Variants in IGF1R observed in about 807,000 individuals in gnomAD.
IGF1R encodes the protein insulin-like growth factor 1 receptor.
In IGF1R, 44 loss-of-function variants were observed where a neutral mutation model predicts 144.6. The ratio of observed to expected loss-of-function variants is 0.30; its 90% CI spans 0.24 to 0.39. The LOEUF (loss-of-function observed/expected upper bound fraction) is 0.39. Ranked by LOEUF, IGF1R falls within the 10% of genes least tolerant of loss-of-function variation. IGF1R has a pLI of 1.00. For synonymous variants in IGF1R, 795 were observed against 722.8 expected, an observed-to-expected ratio of 1.10 and a Z score of -1.60; for missense variants, 1,355 against 1,833.7, an observed-to-expected ratio of 0.74 and a Z score of 4.77.
chr15:98,722,071 G>C (rs1257011918), intron 2 of IGF1R, among the ~76,000 whole-genome samples: 2 of 152,176 alleles, frequency 1.3e-5, no homozygotes, highest in South Asian at 2.1e-4. Flanking sequence ...TCCTTGGCCA[G>C]AGTTTCCATC....
chr15:98,891,707 A>T lies in IGF1R; in HGVS notation c.953+70A>T. ...CCGCCACCCTAGCACACAAAGGTAG[A>T]CTCTGTCGGTTGTTTCATCCGGGTG... On this transcript the variant is annotated intron_variant, in intron 3 of 20. Coordinates refer to ENST00000650285, the MANE Select transcript of IGF1R (RefSeq NM_000875.5). This position sits in a 1 kb window ranked among gnomAD's most constrained non-coding sequence, Gnocchi z 4.7. 1 of 1,479,938 alleles carries T rather than the reference A, an allele frequency of 6.8e-7. No homozygotes were observed. The highest frequency in any genetic ancestry group is 1.2e-5 in the South Asian group (1 of 85,960). 91.7% of individuals were successfully genotyped at this position (1,479,938 alleles called of 1,614,324 possible).
chr15:98,947,719 A>T (rs1009062159), intron 19 of IGF1R, among the ~76,000 whole-genome samples: 3 of 152,154 alleles, frequency 2.0e-5, no homozygotes, highest in Non-Finnish European at 4.4e-5. Flanking sequence ...CATATGGCAG[A>T]ATTGCTCACT....
intron 20 of IGF1R, among the ~76,000 whole-genome samples, chr15:98,948,919 T>G (rs1347217710): frequency 6.6e-6 from 1 of 152,206 alleles, no homozygotes; most frequent in African/African-American, 2.4e-5. Flanking sequence ...TACCCCATAT[T>G]CCGTAATGCT....
At chr15:98,814,335 A>G (rs1596325287) in intron 2 of IGF1R, among the ~76,000 whole-genome samples, 1 of 151,950 alleles carries the variant, frequency 6.6e-6, no homozygotes, top group East Asian at 1.9e-4. Flanking sequence ...GTGCCCTTAT[A>G]TGATTTGGAT....
chr15:98,916,098 G>A lies in IGF1R; in HGVS notation c.1963G>A (p.Gly655Ser), dbSNP rs143193096. 6.1e-5 allele frequency: 99 copies of A among 1,614,022 alleles called. No individual in the cohort carries two copies. Among genetic ancestry groups the A allele is most frequent in the East Asian group, 1.1e-4 (5 of 44,894 alleles). The stretch of plus-strand genomic sequence containing the variant: ...GCGCTGGCAGCGGCAGCCTCAGGAC[G>A]GCTACCTTTACCGGCACAATTACTG... The part of the protein sequence containing the change: ...IVRWQRQPQD[G>S]YLYRHNYCSK... Residue 655 changes from glycine (G) to serine (S), a missense_variant, in exon 9 of 21, where the codon GGC becomes AGC. Gly to Ser is a moderately conservative substitution (Grantham distance 56). This residue lies in a region of IGF1R where 880 missense variants were observed against 1,202.7 expected (regional missense o/e 0.73). Transcript: ENST00000650285.
chr15:98,885,180 C>CT (rs1217894065), intron 2 of IGF1R, among the ~76,000 whole-genome samples: 1 of 152,162 alleles, frequency 6.6e-6, no homozygotes, highest in Non-Finnish European at 1.5e-5. Context: ...GCTGTGAGCC[C>CT]TGGGAGGGCT....
chr15:98,786,377 A>AT (rs5814901), intron 2 of IGF1R, among the ~76,000 whole-genome samples: 128,376 of 149,456 alleles, frequency 0.86, 56,883 homozygotes, highest in Non-Finnish European at 0.97. Context: ...CAGGGAGTTA[A>AT]TTTTTTTTTT....
At chr15:98,751,689 G>C (rs1229186518) in intron 2 of IGF1R, among the ~76,000 whole-genome samples, 1 of 152,098 alleles carries the variant, frequency 6.6e-6, no homozygotes, top group Non-Finnish European at 1.5e-5. Context: ...CTGTGGAAAG[G>C]TATCAGTTTA....
chr15:98,744,672 C>G (rs1397236700), intron 2 of IGF1R, among the ~76,000 whole-genome samples: 1 of 151,890 alleles, frequency 6.6e-6, no homozygotes, highest in African/African-American at 2.4e-5. Context: ...GGTCTGAGGA[C>G]AGGCCAAAGC....
At chr15:98,928,985 C>A (rs982791304) in intron 13 of IGF1R, among the ~76,000 whole-genome samples, 4 of 152,140 alleles carry the variant, frequency 2.6e-5, no homozygotes, top group African/African-American at 9.7e-5. Flanking sequence ...TTGACCTATA[C>A]ATAGATGTAG....
chr15:98,830,740 A>G (rs995821762), intron 2 of IGF1R, among the ~76,000 whole-genome samples: 3 of 151,800 alleles, frequency 2.0e-5, no homozygotes, highest in Non-Finnish European at 4.4e-5. Flanking sequence ...AGTAGCTAGG[A>G]TTACAGGTGT....
intron 2 of IGF1R, among the ~76,000 whole-genome samples, chr15:98,716,159 A>T (rs916176232): frequency 6.6e-6 from 1 of 151,910 alleles, no homozygotes; most frequent in African/African-American, 2.4e-5. Context: ...CTGTACTTCC[A>T]TTTCCTTTCT....
At chr15:98,804,272 C>T (rs929525290) in intron 2 of IGF1R, among the ~76,000 whole-genome samples, 2 of 152,090 alleles carry the variant, frequency 1.3e-5, no homozygotes, top group African/African-American at 4.8e-5. Context: ...GTTAAGAAAT[C>T]TTGCTTTTAT....
intron 20 of IGF1R, among the ~76,000 whole-genome samples, chr15:98,956,774 G>T (rs967451802): frequency 6.6e-6 from 1 of 152,270 alleles, no homozygotes; most frequent in Non-Finnish European, 1.5e-5. Flanking sequence ...ACGATGGACA[G>T]TGTGGACCTG....
intron 2 of IGF1R, among the ~76,000 whole-genome samples, chr15:98,884,156 G>A (rs1205667199): frequency 1.3e-5 from 2 of 152,120 alleles, no homozygotes; most frequent in African/African-American, 4.8e-5. Flanking sequence ...TGTGAACGGT[G>A]GCAGCCTTGG....
At chr15:98,878,857 G>A (rs562277494) in intron 2 of IGF1R, among the ~76,000 whole-genome samples, 3 of 152,076 alleles carry the variant, frequency 2.0e-5, no homozygotes, top group Non-Finnish European at 4.4e-5. Context: ...TTAGCTGGGC[G>A]TGGTGGTGGG....
chr15:98,935,169 C>A lies in IGF1R; in HGVS notation c.3186+116C>A, dbSNP rs1265853099. 2 of 1,008,744 alleles carry A rather than the reference C, an allele frequency of 2.0e-6. No homozygotes were observed. The highest frequency in any genetic ancestry group is 2.7e-5 in the South Asian group (2 of 73,238). 62.5% of individuals were successfully genotyped at this position (1,008,744 alleles called of 1,614,324 possible). On this transcript the variant is annotated intron_variant, in intron 16 of 20. Transcript: ENST00000650285. The surrounding 1 kb of genome is among the most constrained non-coding windows in gnomAD (Gnocchi z 4.2). ...GGGTTTGGTGTCTTGCCTTTGCCTT[C>A]TGGATAGTTACCCCATTACCTCACT...
intron 2 of IGF1R, among the ~76,000 whole-genome samples, chr15:98,716,647 G>A (rs1225544322): frequency 3.3e-5 from 5 of 152,176 alleles, no homozygotes; most frequent in African/African-American, 7.2e-5. Flanking sequence ...CCTGGTAAAC[G>A]TTTGAACTGC....
rs551334905 is a variant in IGF1R, at chr15:98,770,766, G to A, written c.640+62659G>A. Reference sequence around the variant, plus strand: ...TCTCAGGTCCCTCCCGCTCCCTGCCGTGTCCTGGTTCTACTTGCCGGCAGG... The same window carrying A: ...TCTCAGGTCCCTCCCGCTCCCTGCCATGTCCTGGTTCTACTTGCCGGCAGG... On this transcript the variant is annotated intron_variant, in intron 2 of 20. Coordinates refer to ENST00000650285, the MANE Select transcript of IGF1R (RefSeq NM_000875.5). Among the ~76,000 whole-genome samples, 9 of 152,188 alleles carry A rather than the reference G, an allele frequency of 5.9e-5. No homozygotes were observed. The South Asian group carries it at 1.5e-3, about 25-fold the overall frequency.
Sources: allele counts gnomAD v4.1 joint callset (sites outside exome capture counted in the v4.1 genomes callset), GRCh38; gene constraint gnomAD v4.1.1; regional missense constraint gnomAD v4.1.1; non-coding constraint Gnocchi (gnomAD v3.1); transcripts MANE v1.5; gene names NCBI Gene and HGNC (gene_info 2026-07-23, HGNC 2026-07-21).